Variants in DPP6 observed in about 807,000 individuals in gnomAD.
The protein encoded by DPP6 is dipeptidyl peptidase like 6.
Under a neutral mutation model 122.6 loss-of-function variants are expected in DPP6, and 69 were observed. The ratio of observed to expected loss-of-function variants is 0.56; its 90% confidence interval spans 0.46 to 0.69. The LOEUF (loss-of-function observed/expected upper bound fraction) is 0.69. Among genes scored for constraint, DPP6 ranks in the 30% least tolerant of loss-of-function variants. DPP6 has a pLI of 0.00. For synonymous variants in DPP6, 418 were observed against 433.1 expected (o/e 0.97, Z 0.43); for missense variants, 928 against 1,116.9 (o/e 0.83, Z 2.41).
At chr7:153,937,985 T>C (rs1801534151) in intron 1 of DPP6, among the ~76,000 whole-genome samples, 1 of 152,130 alleles carries the variant, frequency 6.6e-6, no homozygotes, top group Admixed American at 6.6e-5. Flanking sequence ...ATATGACAGG[T>C]GCTACGAGGG....
chr7:153,966,163 T>C (rs1213146727), intron 1 of DPP6, among the ~76,000 whole-genome samples: 1 of 126,552 alleles, frequency 7.9e-6, no homozygotes, highest in Non-Finnish European at 1.7e-5. Context: ...TTGAAAAGCT[T>C]CTCAGTTGTT....
At chr7:154,781,545 C>T (rs1341408169) in intron 10 of DPP6, among the ~76,000 whole-genome samples, 2 of 152,180 alleles carry the variant, frequency 1.3e-5, no homozygotes, top group Non-Finnish European at 2.9e-5. Context: ...TTGTAGAAGG[C>T]ACTCTGCCGG....
chr7:154,227,585 A>G (rs1800685340), intron 1 of DPP6, among the ~76,000 whole-genome samples: 1 of 152,198 alleles, frequency 6.6e-6, no homozygotes. Flanking sequence ...AATAATATTA[A>G]TAATAACAAA....
chr7:153,844,174 G>T, the DPP6 span, among the ~76,000 whole-genome samples: 1 of 152,156 alleles, frequency 6.6e-6, no homozygotes, highest in Non-Finnish European at 1.5e-5. Context: ...ACCTGGCATT[G>T]TCTTTACACA....
At chr7:154,301,490 T>C (rs1805894480) in intron 1 of DPP6, among the ~76,000 whole-genome samples, 1 of 152,186 alleles carries the variant, frequency 6.6e-6, no homozygotes, top group Non-Finnish European at 1.5e-5. Flanking sequence ...GTATTTTCTC[T>C]TGGTCTGCAC....
chr7:154,133,955 T>C (rs3111973), intron 1 of DPP6, among the ~76,000 whole-genome samples: 68,591 of 149,688 alleles, frequency 0.46, 16,453 homozygotes, highest in Non-Finnish European at 0.54. Context: ...AGCCTGCCAA[T>C]GTGATGGGAC....
intron 2 of DPP6, among the ~76,000 whole-genome samples, chr7:154,472,461 A>C (rs372472761): frequency 1.1e-4 from 2 of 18,416 alleles, no homozygotes; most frequent in South Asian, 1.3e-3. Context: ...TCCTGGAATC[A>C]ATCCCTCCCA....
the DPP6 span, among the ~76,000 whole-genome samples, chr7:153,875,555 A>G: frequency 6.6e-6 from 1 of 152,114 alleles, no homozygotes; most frequent in East Asian, 1.9e-4. Flanking sequence ...TTGATTACTC[A>G]AAGTTCCTTA....
At chr7:153,891,468 AT>A (rs1563211122) in intron 1 of DPP6, among the ~76,000 whole-genome samples, 3 of 152,158 alleles carry the variant, frequency 2.0e-5, no homozygotes, top group Non-Finnish European at 4.4e-5. Flanking sequence ...AACAAAAATT[AT>A]TTTTTTAAAA....
rs1258380620 is a variant in DPP6, at chr7:154,063,303, CGG to C, written c.243+10243_243+10244del. Among the ~76,000 whole-genome samples the C allele has an allele frequency of 2.7e-5, 3 of 109,608 alleles. 1 individual carries two copies. Among genetic ancestry groups the C allele is most frequent in the Admixed American group, 9.6e-5 (1 of 10,370 alleles). The allele number at this position is 109,608 out of a possible 152,430, so 71.9% of individuals were successfully genotyped here. On this transcript the variant is annotated intron_variant, in intron 1 of 25. Transcript: ENST00000377770. Reference sequence around the variant, plus strand: ...GAGGGGGGAGGGACCCCCCATGAGGCGGGGACTGAGAGCCAGTCCCTCTTCTC... The same window carrying C: ...GAGGGGGGAGGGACCCCCCATGAGGCGGACTGAGAGCCAGTCCCTCTTCTC...
intron 1 of DPP6, among the ~76,000 whole-genome samples, chr7:154,192,109 A>T (rs891322951): frequency 1.3e-5 from 2 of 152,190 alleles, no homozygotes; most frequent in African/African-American, 4.8e-5. Context: ...AAGTGAGGTG[A>T]AGACTGATTT....
intron 12 of DPP6, among the ~76,000 whole-genome samples, chr7:154,801,064 C>T (rs1798330988): frequency 6.6e-6 from 1 of 151,746 alleles, no homozygotes; most frequent in Admixed American, 6.6e-5. Flanking sequence ...TTGGCGTGCA[C>T]ATGGGGCTGG....
intron 6 of DPP6, among the ~76,000 whole-genome samples, chr7:154,666,196 T>C (rs62475186): frequency 0.027 from 2,302 of 86,500 alleles, 31 homozygotes; most frequent in East Asian, 0.077. Flanking sequence ...TATATATATA[T>C]ATATACACAT....
At chr7:154,217,906 C>T (rs1165189156) in intron 1 of DPP6, among the ~76,000 whole-genome samples, 2 of 152,326 alleles carry the variant, frequency 1.3e-5, no homozygotes, top group South Asian at 2.1e-4. Flanking sequence ...AGGACCAGAG[C>T]GCCTGTGGGC....
intron 1 of DPP6, among the ~76,000 whole-genome samples, chr7:154,431,776 G>A (rs867849566): frequency 2.0e-5 from 3 of 151,818 alleles, no homozygotes; most frequent in Admixed American, 6.6e-5. Context: ...CTCGTGATCC[G>A]CCCACCTCAG....
At chr7:154,707,078 A>G (rs1840871617) in intron 7 of DPP6, among the ~76,000 whole-genome samples, 1 of 152,216 alleles carries the variant, frequency 6.6e-6, no homozygotes, top group South Asian at 2.1e-4. Context: ...GTGGAAAATG[A>G]TGTAATACAT....
At chr7:154,548,260 T>C (rs893748857) in intron 4 of DPP6, among the ~76,000 whole-genome samples, 1 of 150,400 alleles carries the variant, frequency 6.6e-6, no homozygotes, top group African/African-American at 2.4e-5. Context: ...TTTATACTTA[T>C]GTCTTTAAAA....
At chr7:153,958,443 A>G (rs1436942239) in intron 1 of DPP6, among the ~76,000 whole-genome samples, 1 of 151,982 alleles carries the variant, frequency 6.6e-6, no homozygotes, top group Non-Finnish European at 1.5e-5. Flanking sequence ...GAGCTCAGTC[A>G]CTCGACCATG....
chr7:153,872,570 GCTTA>G, the DPP6 span, among the ~76,000 whole-genome samples: 2 of 152,140 alleles, frequency 1.3e-5, no homozygotes, highest in Admixed American at 6.5e-5. Context: ...TATACTGAAT[GCTTA>G]CTATTAGCCA....
Sources: allele counts gnomAD v4.1 joint callset (sites outside exome capture counted in the v4.1 genomes callset), GRCh38; gene constraint gnomAD v4.1.1; transcripts MANE v1.5; gene names NCBI Gene and HGNC (gene_info 2026-07-23, HGNC 2026-07-21).